The following ESPN variants were observed in gnomAD, a reference collection of about 807,000 sequenced individuals.
ESPN encodes the protein espin, also known as autosomal recessive deafness type 36 protein.
In ESPN, 68 loss-of-function variants were observed where a neutral mutation model predicts 77.7. The ratio of observed to expected loss-of-function variants is 0.87; its 90% CI spans 0.72 to 1.07. The LOEUF (loss-of-function observed/expected upper bound fraction) is 1.07. Ranked by LOEUF, ESPN falls within the 50% of genes least tolerant of loss-of-function variation. The probability of loss-of-function intolerance (pLI) is 0.00; values close to 1 mark genes in which losing one functional copy is unlikely to be tolerated. For missense variants in ESPN, 1,060 were observed against 1,239.0 expected (o/e 0.86, Z 2.17); for synonymous variants, 449 against 567.1 (o/e 0.79, Z 2.96).
chr1:6,441,765 A>G (rs891883366), intron 5 of ESPN, among the ~76,000 whole-genome samples: 6 of 152,190 alleles, frequency 3.9e-5, no homozygotes, highest in African/African-American at 1.4e-4. Flanking sequence ...GACCAACTCC[A>G]TGGGGCAGCC....
chr1:6,431,911 G>A (rs1194872587), intron 2 of ESPN, among the ~76,000 whole-genome samples: 4 of 152,306 alleles, frequency 2.6e-5, no homozygotes, highest in African/African-American at 7.2e-5. Context: ...TCCCTGCCTC[G>A]TGGAGCTGAC....
chr1:6,433,406 T>C (rs774607664), intron 2 of ESPN, among the ~76,000 whole-genome samples: 16 of 151,904 alleles, frequency 1.1e-4, no homozygotes, highest in Non-Finnish European at 1.3e-4. Context: ...ATCGTGCTGC[T>C]GCACTCCAGC....
Position 6,427,722 on chromosome 1 carries a change from G to A in ESPN, c.295-504G>A, listed in dbSNP as rs1281444962. Among the ~76,000 whole-genome samples the A allele has an allele frequency of 3.3e-5, 5 of 152,242 alleles. No individual in the cohort carries two copies. The highest frequency in any genetic ancestry group is 2.1e-4 in the South Asian group (1 of 4,836). On this transcript the variant is annotated intron_variant, in intron 1 of 12. Transcript: ENST00000645284. This position sits in a 1 kb window ranked among gnomAD's most constrained non-coding sequence, Gnocchi z 4.6. Reference sequence around the variant, plus strand: ...GAGGTCTCTGTTCCCACGTGACACCGAGGAAGGGTGGAGAGATCGGGGGCA... The same window carrying A: ...GAGGTCTCTGTTCCCACGTGACACCAAGGAAGGGTGGAGAGATCGGGGGCA...
intron 5 of ESPN, among the ~76,000 whole-genome samples, chr1:6,443,723 C>A (rs1343993534): frequency 6.6e-6 from 1 of 152,246 alleles, no homozygotes; most frequent in East Asian, 1.9e-4. Flanking sequence ...TGGTGCCAGG[C>A]CTGCCTCTCT....
Position 6,455,291 on chromosome 1 carries a change from C to A in ESPN, c.2326-1893C>A, listed in dbSNP as rs573781540. ...TGCGCAAGGAGCGCATCGTTTACCT[C>A]TTCCTGGAGCACTGGCGCCGCTGGG... On this transcript the variant is annotated intron_variant, in intron 10 of 12. Coordinates refer to ENST00000645284, the MANE Select transcript of ESPN (RefSeq NM_031475.3). 1,524 of 387,942 alleles carry A rather than the reference C, an allele frequency of 3.9e-3. 13 individuals are homozygous for A. Among genetic ancestry groups the A allele is most frequent in the African/African-American group, 0.029 (1,419 of 48,174 alleles). 24.0% of individuals were successfully genotyped at this position (387,942 alleles called of 1,614,324 possible). A position where few individuals can be genotyped will look rare whatever the true frequency, so the allele number is the denominator to read the frequency against.
At chr1:6,455,984 C>T (rs1420219543) in intron 10 of ESPN, 11 of 398,372 alleles carry the variant, frequency 2.8e-5, no homozygotes, top group African/African-American at 2.3e-4. Flanking sequence ...AGGGGCAGCC[C>T]GAGGCCCTGG....
chr1:6,445,034 T>G (rs1643776308), intron 6 of ESPN, among the ~76,000 whole-genome samples: 2 of 152,138 alleles, frequency 1.3e-5, no homozygotes, highest in South Asian at 4.1e-4. Context: ...TGCGAATATC[T>G]GCACACACCC....
rs369494429 is a variant in ESPN at position 6,428,444 on chromosome 1, C to T, written c.488+25C>T. 1.3e-6 allele frequency: 2 copies of T among 1,578,658 alleles called. No homozygotes were observed. Among genetic ancestry groups the T allele is most frequent in the Admixed American group, 3.4e-5 (2 of 58,192 alleles). On this transcript the variant is annotated intron_variant, in intron 2 of 12. Coordinates refer to ENST00000645284, the MANE Select transcript of ESPN (RefSeq NM_031475.3). The surrounding 1 kb of genome is among the most constrained non-coding windows in gnomAD (Gnocchi z 5.4). ...AGTAAGATCACCCCTCTTAAGGGGTCCTCTGGGTGGGCTGGGCCAGGGCTT... is the reference window on the plus strand; with the variant it reads ...AGTAAGATCACCCCTCTTAAGGGGTTCTCTGGGTGGGCTGGGCCAGGGCTT...
chr1:6,433,545 T>C (rs994434619), intron 2 of ESPN, among the ~76,000 whole-genome samples: 10 of 151,440 alleles, frequency 6.6e-5, no homozygotes, highest in Admixed American at 5.3e-4. Context: ...AGGCAGCGGT[T>C]GCAGTGAGCT....
rs1264381600 is a variant in ESPN, at chr1:6,424,813, G to C, written c.-143G>C. The C allele has an allele frequency of 7.2e-6, 6 of 832,796 alleles. No individual in the cohort carries two copies. The highest frequency in any genetic ancestry group is 9.6e-6 in the Non-Finnish European group (6 of 626,200). The allele number at this position is 832,796 out of a possible 1,614,324, so 51.6% of individuals were successfully genotyped here. A position where few individuals can be genotyped will look rare whatever the true frequency, so the allele number is the denominator to read the frequency against. ...AGCGGAGCGCCAGGCAGCGCGGAGC[G>C]GAGGCCAGGCCCACAGCCGCTCCGC... On this transcript the variant is annotated 5_prime_UTR_variant, in exon 1 of 13. Transcript: ENST00000645284.
rs1251471177 is a variant in ESPN, at chr1:6,428,800, G to A, written c.488+381G>A. Among the ~76,000 whole-genome samples the A allele has an allele frequency of 6.6e-6, 1 of 152,164 alleles. No individual in the cohort carries two copies. Among genetic ancestry groups the A allele is most frequent in the Non-Finnish European group, 1.5e-5 (1 of 68,012 alleles). On this transcript the variant is annotated intron_variant, in intron 2 of 12. Coordinates refer to ENST00000645284, the MANE Select transcript of ESPN (RefSeq NM_031475.3). The surrounding 1 kb of genome is among the most constrained non-coding windows in gnomAD (Gnocchi z 5.4). ...CAAGACTGTTCAGGATGGAGTCGGG[G>A]GCAGCAAGGGCAGGAGCGCCTCCTA...
rs530492619 is a variant in ESPN, at chr1:6,460,155, G to A, written c.*9G>A. 6.2e-7 allele frequency: 1 copy of A among 1,609,858 alleles called. No individual in the cohort carries two copies. The highest frequency in any genetic ancestry group is 1.1e-5 in the South Asian group (1 of 90,980). ...ACATCGCTAAGTACTAGAGGCCGCA[G>A]ACTCCTGTCCGCAGCCTCGCAGCTC... is the stretch of plus-strand genomic sequence containing the variant. On this transcript the variant is annotated 3_prime_UTR_variant, in exon 13 of 13. Coordinates refer to ENST00000645284, the MANE Select transcript of ESPN (RefSeq NM_031475.3).
chr1:6,440,432 G>A lies in ESPN; in HGVS notation c.667G>A (p.Val223Met). The change falls in exon 3 of 13, where the codon GTG (valine) becomes ATG (methionine). Residue 223 changes from valine to methionine, a missense_variant. By Grantham distance (21) the Val-to-Met change is conservative (BLOSUM62 1). Coordinates refer to ENST00000645284, the MANE Select transcript of ESPN (RefSeq NM_031475.3). Reference sequence around the variant, plus strand: ...GCAGATGGGCCACAGCCCAGTCATCGTGTGGTTGGTGAGCTCCGGGCCCGG... The same window carrying A: ...GCAGATGGGCCACAGCCCAGTCATCATGTGGTTGGTGAGCTCCGGGCCCGG... ...AAQMGHSPVI[V>M]WLVSCTDVSL... 2.6e-6 allele frequency: 4 copies of A among 1,565,090 alleles called. No homozygotes were observed. The South Asian group carries it at 4.6e-5, about 18-fold the overall frequency.
intron 5 of ESPN, chr1:6,443,163 A>C (rs1437630940): frequency 2.1e-5 from 3 of 144,580 alleles, no homozygotes; most frequent in African/African-American, 8.2e-5. Flanking sequence ...CAAGAATGAA[A>C]CTCTGTCTAA....
intron 10 of ESPN, among the ~76,000 whole-genome samples, chr1:6,452,780 C>T (rs1050197821): frequency 6.6e-5 from 10 of 152,282 alleles, no homozygotes; most frequent in Non-Finnish European, 8.8e-5. Flanking sequence ...GCTGCCGATA[C>T]TGAGCCTCAT....
chr1:6,428,173 C>T lies in ESPN; in HGVS notation c.295-53C>T, dbSNP rs1643108701. Reference sequence around the variant, plus strand: ...GTGGGAGTCTGGGAGTGGCCCAAGCCAGGGGCGGGGCAGCAACAGGCTTTA... The same window carrying T: ...GTGGGAGTCTGGGAGTGGCCCAAGCTAGGGGCGGGGCAGCAACAGGCTTTA... On this transcript the variant is annotated intron_variant, in intron 1 of 12. Transcript: ENST00000645284. This position sits in a 1 kb window ranked among gnomAD's most constrained non-coding sequence, Gnocchi z 5.4. The T allele has an allele frequency of 1.9e-6, 3 of 1,601,324 alleles. No individual in the cohort carries two copies. Among genetic ancestry groups the T allele is most frequent in the Admixed American group, 3.3e-5 (2 of 59,992 alleles).
chr1:6,440,970 G>A lies in ESPN; in HGVS notation c.895G>A (p.Asp299Asn). The A allele has an allele frequency of 6.2e-7, 1 of 1,602,858 alleles. No individual in the cohort carries two copies. The highest frequency in any genetic ancestry group is 1.1e-5 in the South Asian group (1 of 89,440). The change falls in exon 5 of 13, where the codon GAC (aspartate) becomes AAC (asparagine). Residue 299 changes from aspartate to asparagine, a missense_variant. Physicochemically the swap from Asp to Asn is conservative, Grantham distance 23. Around this residue, in one of 3 missense-constraint regions of ESPN, gnomAD observed 556 missense variants for 633.6 expected, o/e 0.88. Transcript: ENST00000645284. ...CCTGGTAGTGAACGGCGCGGAGCTG[G>A]ACGTCCGCGACCGCGACGGGTACAC... The part of the protein sequence containing the change: ...QILVVNGAEL[D>N]VRDRDGYTAA...
rs750431499 is a variant in ESPN at position 6,448,982 on chromosome 1, G to A, written c.1806G>A (p.Pro602=). 9 of 1,430,556 alleles carry A rather than the reference G, an allele frequency of 6.3e-6. No individual in the cohort carries two copies. The highest frequency in any genetic ancestry group is 2.8e-5 in the Admixed American group (1 of 35,440). 88.6% of individuals were successfully genotyped at this position (1,430,556 alleles called of 1,614,324 possible). The part of the protein sequence containing the change: ...SRELPPPPPP[P]PPPLPEAASS... ...AGCTGCCACCGCCGCCCCCACCGCCGCCGCCGCCCCTGCCGGAGGCCGCGA... is the reference window on the plus strand; with the variant it reads ...AGCTGCCACCGCCGCCCCCACCGCCACCGCCGCCCCTGCCGGAGGCCGCGA... The change falls in exon 8 of 13, where the codon CCG becomes CCA. Residue 602 remains proline, a synonymous_variant. Transcript: ENST00000645284.
At chr1:6,426,160 G>A (rs1183752969) in intron 1 of ESPN, among the ~76,000 whole-genome samples, 1 of 152,142 alleles carries the variant, frequency 6.6e-6, no homozygotes, top group Non-Finnish European at 1.5e-5. Flanking sequence ...GAGGAGTCAG[G>A]GTAACTCTAA....
Sources: gnomAD v4.1 joint callset for allele counts (sites outside exome capture counted in the v4.1 genomes callset) on GRCh38, gnomAD v4.1.1 for gene constraint, gnomAD v4.1.1 regional missense constraint, Gnocchi (gnomAD v3.1) non-coding constraint, MANE v1.5 for transcripts, NCBI Gene and HGNC (gene_info 2026-07-23, HGNC 2026-07-21) for gene names.